Variants in PRKG1 observed in about 807,000 individuals in gnomAD.
The protein encoded by PRKG1 is cGMP-dependent protein kinase 1.
Under a neutral mutation model 88.1 loss-of-function variants are expected in PRKG1, and 35 were observed. That is an observed-to-expected ratio of 0.40 (90% CI 0.30 to 0.53). The LOEUF (loss-of-function observed/expected upper bound fraction) is 0.53. Ranked by LOEUF, PRKG1 falls within the 20% of genes least tolerant of loss-of-function variation. The pLI is 0.59. For synonymous variants in PRKG1, 303 were observed against 292.5 expected (o/e 1.04, Z -0.37); for missense variants, 540 against 839.8 (o/e 0.64, Z 4.41).
chr10:51,944,047 A>G (rs1218537975), intron 5 of PRKG1, among the ~76,000 whole-genome samples: 1 of 151,810 alleles, frequency 6.6e-6, no homozygotes, highest in African/African-American at 2.4e-5. Context: ...TCCTCCTTGT[A>G]CCTCTGGTAG....
intron 4 of PRKG1, among the ~76,000 whole-genome samples, chr10:51,830,923 C>T (rs778402430): frequency 2.0e-5 from 3 of 151,864 alleles, no homozygotes; most frequent in East Asian, 3.9e-4. Flanking sequence ...TGAGATCATA[C>T]GCTCAGGAAT....
At chr10:52,211,823 A>G (rs1053312216) in intron 9 of PRKG1, among the ~76,000 whole-genome samples, 6 of 151,958 alleles carry the variant, frequency 3.9e-5, no homozygotes, top group African/African-American at 1.4e-4. Flanking sequence ...TAACTGTGTG[A>G]TCTGTGGCAA....
intron 1 of PRKG1, among the ~76,000 whole-genome samples, chr10:51,098,573 T>G (rs535711582): frequency 6.6e-6 from 1 of 152,332 alleles, no homozygotes; most frequent in African/African-American, 2.4e-5. Flanking sequence ...TTAGCCTTTT[T>G]TCAGAAGCAA....
At position 51,698,654 on chromosome 10, in the gene PRKG1, G is replaced by T. The variant is rs772485778; in HGVS notation, c.593-105931G>T. ...CATCTGCACTTGTCCCCGCTCTAAAGGCACTGGGCCAACCCCTGGCATTCC... is the reference window on the plus strand; with the variant it reads ...CATCTGCACTTGTCCCCGCTCTAAATGCACTGGGCCAACCCCTGGCATTCC... On this transcript the variant is annotated intron_variant, in intron 3 of 17. Coordinates refer to ENST00000373980, the MANE Select transcript of PRKG1 (RefSeq NM_006258.4). 5.2e-5 allele frequency: 84 copies of T among 1,614,186 alleles called. No homozygotes were observed. In the East Asian group the frequency reaches 1.8e-3, roughly 36 times the overall value.
intron 5 of PRKG1, among the ~76,000 whole-genome samples, chr10:51,930,308 A>G (rs1842661920): frequency 6.6e-6 from 1 of 152,204 alleles, no homozygotes; most frequent in Non-Finnish European, 1.5e-5. Flanking sequence ...ATGGAGCTGA[A>G]TGATGGCAAT....
intron 7 of PRKG1, among the ~76,000 whole-genome samples, chr10:52,115,755 C>G (rs1413076966): frequency 6.6e-6 from 1 of 152,150 alleles, no homozygotes; most frequent in Admixed American, 6.6e-5. Flanking sequence ...AGGGCAATGA[C>G]TTTATCCTTT....
intron 2 of PRKG1, among the ~76,000 whole-genome samples, chr10:51,403,822 A>G (rs1278394206): frequency 6.6e-6 from 1 of 152,156 alleles, no homozygotes; most frequent in Non-Finnish European, 1.5e-5. Context: ...TCTGTAATCT[A>G]TGTGCTTTAT....
intron 8 of PRKG1, among the ~76,000 whole-genome samples, chr10:52,152,012 A>T (rs1237103382): frequency 6.6e-6 from 1 of 152,190 alleles, no homozygotes. Context: ...TATTTATACC[A>T]ATGTATTGCT....
chr10:51,297,869 C>T (rs1244838319), intron 2 of PRKG1, among the ~76,000 whole-genome samples: 1 of 152,018 alleles, frequency 6.6e-6, no homozygotes, highest in Non-Finnish European at 1.5e-5. Flanking sequence ...TAGTATAAGG[C>T]ATTTAATGGC....
chr10:52,292,244 A>T (rs10762679), intron 17 of PRKG1, among the ~76,000 whole-genome samples: 117,119 of 149,120 alleles, frequency 0.79, 46,946 homozygotes, highest in African/African-American at 0.95. Context: ...TTTCTTTTGC[A>T]GTGCAGGAGC....
chr10:52,131,545 T>C (rs1350283474), intron 7 of PRKG1, among the ~76,000 whole-genome samples: 1 of 151,714 alleles, frequency 6.6e-6, no homozygotes, highest in Non-Finnish European at 1.5e-5. Context: ...GGCGATGATG[T>C]GTATTAAAAG....
chr10:51,097,094 A>G lies in PRKG1; in HGVS notation c.311+22193A>G, dbSNP rs143677591. Among the ~76,000 whole-genome samples the G allele has an allele frequency of 4.6e-3, 699 of 152,244 alleles. 3 individuals carry two copies. Among genetic ancestry groups the G allele is most frequent in the Middle Eastern group, 6.8e-3 (2 of 294 alleles). On this transcript the variant is annotated intron_variant, in intron 1 of 17. Coordinates refer to ENST00000373980, the MANE Select transcript of PRKG1 (RefSeq NM_006258.4). Reference sequence around the variant, plus strand: ...TCAGCCTAGCAGTCTGTTCCCTGGTATCTTTTCTGGTTGACTCAGATCCTG... The same window carrying G: ...TCAGCCTAGCAGTCTGTTCCCTGGTGTCTTTTCTGGTTGACTCAGATCCTG...
At chr10:52,205,166 A>G (rs1221884861) in intron 9 of PRKG1, among the ~76,000 whole-genome samples, 3 of 152,078 alleles carry the variant, frequency 2.0e-5, no homozygotes, top group African/African-American at 7.2e-5. Flanking sequence ...AACCCTGACA[A>G]TGCGTGCACA....
chr10:52,090,396 C>T (rs1847026968), intron 7 of PRKG1, among the ~76,000 whole-genome samples: 1 of 151,646 alleles, frequency 6.6e-6, no homozygotes, highest in African/African-American at 2.4e-5. Context: ...GTTCATAAGT[C>T]CCTACAGATA....
intron 2 of PRKG1, among the ~76,000 whole-genome samples, chr10:51,355,064 T>G (rs1842336091): frequency 6.6e-6 from 1 of 152,116 alleles, no homozygotes; most frequent in Non-Finnish European, 1.5e-5. Flanking sequence ...TGACTAAGCC[T>G]TAATTTTCTC....
chr10:51,394,029 G>A (rs1345274718), intron 2 of PRKG1, among the ~76,000 whole-genome samples: 1 of 152,194 alleles, frequency 6.6e-6, no homozygotes, highest in Non-Finnish European at 1.5e-5. Flanking sequence ...GAGGGGCCCA[G>A]GAGAAGGCCA....
intron 16 of PRKG1, 61 bp from the exon 17 acceptor site, chr10:52,290,163 C>T (rs997470035): frequency 4.2e-6 from 6 of 1,435,506 alleles, no homozygotes; most frequent in Non-Finnish European, 4.9e-6. Context: ...ATTGTATACA[C>T]TGCAATGAGA....
chr10:51,906,159 G>A (rs949463012), intron 4 of PRKG1, among the ~76,000 whole-genome samples: 1 of 152,178 alleles, frequency 6.6e-6, no homozygotes, highest in African/African-American at 2.4e-5. Flanking sequence ...TCGGCCTGGA[G>A]AAAGGTGTGT....
intron 4 of PRKG1, among the ~76,000 whole-genome samples, chr10:51,860,257 A>T (rs1379785101): frequency 2.6e-5 from 4 of 152,212 alleles, no homozygotes; most frequent in African/African-American, 9.6e-5. Flanking sequence ...CTTAAAGTAA[A>T]AACACCTATT....
Sources: gnomAD v4.1 joint callset for allele counts (sites outside exome capture counted in the v4.1 genomes callset) on GRCh38, gnomAD v4.1.1 for gene constraint, MANE v1.5 for transcripts, NCBI Gene and HGNC (gene_info 2026-07-23, HGNC 2026-07-21) for gene names.